CCDC181: variants seen among roughly 807,000 people sequenced by gnomAD.
CCDC181 encodes coiled-coil domain containing 181.
A neutral mutation model predicts 58.7 loss-of-function variants in CCDC181; 35 were observed. The ratio of observed to expected loss-of-function variants is 0.60; its 90% CI spans 0.46 to 0.79. CCDC181 has a LOEUF of 0.79. CCDC181 is among the 30% of genes least tolerant of loss of function. CCDC181 has a pLI of 0.00. For missense variants in CCDC181, 517 were observed against 583.9 expected, an observed-to-expected ratio of 0.89 and a Z score of 1.18; for synonymous variants, 183 against 197.5, an observed-to-expected ratio of 0.93 and a Z score of 0.62.
intron 2 of CCDC181, among the ~76,000 whole-genome samples, chr1:169,435,808 A>G (rs542301031): frequency 1.3e-5 from 2 of 152,330 alleles, no homozygotes; most frequent in South Asian, 4.1e-4. Context: ...TACATTATCA[A>G]ACATTTTTTA....
rs1656506632 is a variant in CCDC181, at chr1:169,422,174, A to G, written c.257T>C (p.Val86Ala). ...VSPRRNDIIS[V>A]PGIQPLDPIS... ...GGGATCCAAAGGTTGAATACCTGGTACAGAAATGATGTCATTTCTTCTTGG... is the reference window on the plus strand; with the variant it reads ...GGGATCCAAAGGTTGAATACCTGGTGCAGAAATGATGTCATTTCTTCTTGG... Residue 86 changes from valine (V) to alanine (A), a missense_variant, in exon 3 of 6, where the codon GTA (valine) becomes GCA (alanine). Coordinates refer to ENST00000367806, the MANE Select transcript of CCDC181 (RefSeq NM_001300969.2). 1.2e-6 allele frequency: 2 copies of G among 1,613,784 alleles called. No homozygotes were observed. The highest frequency in any genetic ancestry group is 8.5e-7 in the Non-Finnish European group (1 of 1,179,816).
At chr1:169,457,091 G>A (rs1336036352) in intron 2 of CCDC181, among the ~76,000 whole-genome samples, 1 of 152,024 alleles carries the variant, frequency 6.6e-6, no homozygotes, top group East Asian at 1.9e-4. Context: ...AGCTTCCATT[G>A]TTGCTCTTGA....
chr1:169,405,666 T>G (rs1655608118), intron 4 of CCDC181, among the ~76,000 whole-genome samples: 1 of 152,170 alleles, frequency 6.6e-6, no homozygotes, highest in Non-Finnish European at 1.5e-5. Flanking sequence ...TCAAGATGGA[T>G]TAAAGACTTA....
chr1:169,428,687 G>T (rs932632770), upstream of CCDC181, among the ~76,000 whole-genome samples: 3 of 152,088 alleles, frequency 2.0e-5, no homozygotes, highest in Non-Finnish European at 4.4e-5. Flanking sequence ...ACAGAGTCTC[G>T]CTCTGTCACC....
At chr1:169,443,635 C>T (rs1159895686) in intron 2 of CCDC181, among the ~76,000 whole-genome samples, 1 of 152,100 alleles carries the variant, frequency 6.6e-6, no homozygotes, top group Non-Finnish European at 1.5e-5. Context: ...TAGCTTTTCT[C>T]AGTGCAGATT....
At chr1:169,432,709 G>A (rs550223641) in intron 2 of CCDC181, among the ~76,000 whole-genome samples, 43 of 152,090 alleles carry the variant, frequency 2.8e-4, no homozygotes, top group African/African-American at 9.4e-4. Flanking sequence ...TACAAAAATC[G>A]ATGCAGTATT....
chr1:169,439,552 G>A (rs920347774), intron 2 of CCDC181, among the ~76,000 whole-genome samples: 2 of 152,110 alleles, frequency 1.3e-5, no homozygotes, highest in Admixed American at 6.5e-5. Flanking sequence ...GAGCCAGGGC[G>A]AGCACGTTTG....
rs1553210683 is a variant in CCDC181, at chr1:169,458,185, T to TTG, written c.-24+1611_-24+1612insCA. ...GCAAAAGTAATTTTTGTTTTTTTTTTTTTGTTTTGTTTTTTTTGCCATTTA... is the reference window on the plus strand; with the variant it reads ...GCAAAAGTAATTTTTGTTTTTTTTTTTGTTTGTTTTGTTTTTTTTGCCATTTA... On this transcript the variant is annotated intron_variant, in intron 2 of 6. Coordinates refer to the CCDC181 transcript ENST00000545005. 5.3e-4 allele frequency among the ~76,000 whole-genome samples: 64 copies of TTG among 119,698 alleles called. 2 individuals carry two copies. Among genetic ancestry groups the TTG allele is most frequent in the African/African-American group, 2.1e-3 (63 of 30,466 alleles). 78.5% of individuals were successfully genotyped at this position (119,698 alleles called of 152,430 possible).
intron 2 of CCDC181, among the ~76,000 whole-genome samples, chr1:169,436,791 A>C (rs1657065811): frequency 6.6e-6 from 1 of 152,208 alleles, no homozygotes; most frequent in African/African-American, 2.4e-5. Flanking sequence ...TGAGCTCCTT[A>C]ACTTCTGGGC....
intron 2 of CCDC181, among the ~76,000 whole-genome samples, chr1:169,445,646 A>T (rs1190585554): frequency 6.6e-6 from 1 of 152,198 alleles, no homozygotes; most frequent in Non-Finnish European, 1.5e-5. Flanking sequence ...ATGTCCTTAT[A>T]GAATGAGTCA....
chr1:169,457,467 G>A (rs928002085), intron 2 of CCDC181, among the ~76,000 whole-genome samples: 2 of 151,820 alleles, frequency 1.3e-5, no homozygotes, highest in Non-Finnish European at 2.9e-5. Flanking sequence ...TCATTAACAG[G>A]TTCTTGGAAA....
At chr1:169,456,379 C>T (rs538123872) in intron 2 of CCDC181, among the ~76,000 whole-genome samples, 1 of 152,114 alleles carries the variant, frequency 6.6e-6, no homozygotes, top group African/African-American at 2.4e-5. Flanking sequence ...TTTATATACT[C>T]TTCATGTATA....
At chr1:169,427,753 GT>G (rs1221488187), upstream of CCDC181, among the ~76,000 whole-genome samples, 28 of 152,330 alleles carry the variant, frequency 1.8e-4, no homozygotes, top group Admixed American at 1.8e-3. Flanking sequence ...TAGAAAAGTA[GT>G]TTTTAGTTTT....
At chr1:169,456,679 A>G (rs954220303) in intron 2 of CCDC181, among the ~76,000 whole-genome samples, 2 of 151,928 alleles carry the variant, frequency 1.3e-5, no homozygotes, top group Non-Finnish European at 2.9e-5. Flanking sequence ...CTGCCTTGGA[A>G]CTCTGAACTC....
At chr1:169,428,651 CTTTG>C (rs983960356), upstream of CCDC181, among the ~76,000 whole-genome samples, 8 of 151,726 alleles carry the variant, frequency 5.3e-5, no homozygotes, top group South Asian at 2.1e-4. Context: ...TTGTTTGTTT[CTTTG>C]TTTGTTTGTT....
chr1:169,449,677 G>A (rs897734781), intron 2 of CCDC181, among the ~76,000 whole-genome samples: 10 of 152,212 alleles, frequency 6.6e-5, no homozygotes, highest in Admixed American at 5.2e-4. Context: ...TCTGATGTTC[G>A]AGGGCAGGAA....
At chr1:169,423,063 T>TATA (rs1557871665) in intron 2 of CCDC181, among the ~76,000 whole-genome samples, 3 of 34,482 alleles carry the variant, frequency 8.7e-5, no homozygotes, top group Non-Finnish European at 2.7e-4. Context: ...TATAAATATT[T>TATA]TATATATATA....
At chr1:169,457,115 G>C (rs1657696033) in intron 2 of CCDC181, among the ~76,000 whole-genome samples, 1 of 152,072 alleles carries the variant, frequency 6.6e-6, no homozygotes, top group Non-Finnish European at 1.5e-5. Context: ...ATGGCTGTTA[G>C]CTAACTGATT....
At chr1:169,409,184 G>A (rs1655826361) in intron 4 of CCDC181, among the ~76,000 whole-genome samples, 1 of 152,194 alleles carries the variant, frequency 6.6e-6, no homozygotes, top group South Asian at 2.1e-4. Flanking sequence ...CCAGTTCAGA[G>A]AAGAACATAA....
Sources: gnomAD v4.1 joint callset for allele counts (sites outside exome capture counted in the v4.1 genomes callset) on GRCh38, gnomAD v4.1.1 for gene constraint, MANE v1.5 for transcripts, NCBI Gene and HGNC (gene_info 2026-07-23, HGNC 2026-07-21) for gene names.